APAF1: variants seen among roughly 807,000 people sequenced by gnomAD.
APAF1 encodes the protein apoptotic protease-activating factor 1.
A neutral mutation model predicts 152.4 loss-of-function variants in APAF1; 91 were observed. The ratio of observed to expected loss-of-function variants is 0.60; its 90% CI spans 0.50 to 0.71. The LOEUF (loss-of-function observed/expected upper bound fraction) is 0.71. APAF1 is among the 30% of genes least tolerant of loss of function. The pLI is 0.00. For synonymous variants in APAF1, 484 were observed against 494.1 expected (o/e 0.98, Z 0.27); for missense variants, 1,283 against 1,472.0 (o/e 0.87, Z 2.10).
chr12:98,722,301 TCTTCTATTGTAGGA>T (rs2097744167), intron 22 of APAF1, among the ~76,000 whole-genome samples: 1 of 152,224 alleles, frequency 6.6e-6, no homozygotes, highest in African/African-American at 2.4e-5. Flanking sequence ...TATCATTGTA[TCTTCTATTGTAGGA>T]CTTTTTGGGT....
intron 15 of APAF1, among the ~76,000 whole-genome samples, chr12:98,685,862 C>A (rs112771036): frequency 6.6e-6 from 1 of 151,596 alleles, no homozygotes; most frequent in Admixed American, 6.6e-5. Context: ...GTCTTGAACT[C>A]CTGACCTCAG....
chr12:98,658,680 C>G (rs1170683961), intron 4 of APAF1, among the ~76,000 whole-genome samples: 6 of 152,136 alleles, frequency 3.9e-5, no homozygotes, highest in Admixed American at 2.6e-4. Context: ...CACACCCCCC[C>G]AGGTGACATT....
chr12:98,654,044 TTC>T (rs1172491864), intron 4 of APAF1, among the ~76,000 whole-genome samples: 3 of 152,056 alleles, frequency 2.0e-5, no homozygotes, highest in African/African-American at 4.8e-5. Context: ...CTGAATTAGT[TTC>T]TCTGAGTGAA....
chr12:98,684,834 G>T lies in APAF1; in HGVS notation c.2178+1560G>T, dbSNP rs368539451. 1.8e-4 allele frequency among the ~76,000 whole-genome samples: 27 copies of T among 152,252 alleles called. 1 individual carries two copies. The East Asian group carries it at 4.8e-3, about 27-fold the overall frequency. ...GAAATAAATACAGGAAAAAACCTCT[G>T]CCATGTGGGAGGGGGTTATTGGTTA... On this transcript the variant is annotated intron_variant, in intron 15 of 26. Coordinates refer to ENST00000551964, the MANE Select transcript of APAF1 (RefSeq NM_181861.2).
intron 12 of APAF1, 84 bp downstream of exon 12, chr12:98,671,803 GAGGATTTAACTACTTTCGAA>G (rs2097680523): frequency 5.1e-6 from 7 of 1,368,184 alleles, no homozygotes; most frequent in Non-Finnish European, 7.3e-6. Flanking sequence ...ATCACTCCAG[GAGGATTTAACTACTTTCGAA>G]AGGGCTGGAA....
chr12:98,689,550 G>T (rs1243415674), intron 16 of APAF1, among the ~76,000 whole-genome samples: 1 of 151,616 alleles, frequency 6.6e-6, no homozygotes, highest in African/African-American at 2.4e-5. Flanking sequence ...CAGTGGTCTG[G>T]GCTAACTAAA....
chr12:98,703,934 G>A (rs1439643627), intron 18 of APAF1, among the ~76,000 whole-genome samples: 3 of 152,142 alleles, frequency 2.0e-5, no homozygotes, highest in Non-Finnish European at 4.4e-5. Context: ...AAGATAGGAT[G>A]TTCATTGCCA....
At chr12:98,667,478 GTT>G in intron 9 of APAF1, 33 bp from the exon 10 acceptor site, 1 of 1,609,390 alleles carries the variant, frequency 6.2e-7, no homozygotes, top group Non-Finnish European at 8.5e-7. Context: ...TTATAAAATT[GTT>G]TCTGGCTTCT....
At chr12:98,671,204 C>G in intron 11 of APAF1, 118 bp downstream of exon 11, 1 of 736,480 alleles carries the variant, frequency 1.4e-6, no homozygotes, top group Non-Finnish European at 2.3e-6. Context: ...AATTTCCCTC[C>G]TTTGATTTTT....
At chr12:98,659,136 G>C (rs762928753) in intron 4 of APAF1, 24 bp from the exon 5 acceptor site, 1 of 1,613,044 alleles carries the variant, frequency 6.2e-7, no homozygotes, top group African/African-American at 1.3e-5. Context: ...AAGGCCTTAA[G>C]TTCATTATTC....
chr12:98,694,928 G>T (rs1340219251), intron 16 of APAF1, among the ~76,000 whole-genome samples: 1 of 150,676 alleles, frequency 6.6e-6, no homozygotes, highest in Non-Finnish European at 1.5e-5. Context: ...AGGCTGGAGT[G>T]CTGTGGCACC....
intron 16 of APAF1, among the ~76,000 whole-genome samples, chr12:98,698,354 G>A (rs2097711887): frequency 6.6e-6 from 1 of 152,140 alleles, no homozygotes; most frequent in African/African-American, 2.4e-5. Context: ...TACCCAGCCT[G>A]ATTTTCATAT....
intron 4 of APAF1, among the ~76,000 whole-genome samples, chr12:98,652,295 C>T (rs1202119289): frequency 6.6e-6 from 1 of 152,152 alleles, no homozygotes; most frequent in Non-Finnish European, 1.5e-5. Context: ...AAATTTGATT[C>T]CCCTCCAGTC....
At chr12:98,721,788 A>G (rs1447373194) in intron 22 of APAF1, among the ~76,000 whole-genome samples, 1 of 152,174 alleles carries the variant, frequency 6.6e-6, no homozygotes, top group East Asian at 1.9e-4. Context: ...CGACTGCTAA[A>G]TGTGGTGGAA....
chr12:98,731,531 A>G (rs1208148216), intron 26 of APAF1, among the ~76,000 whole-genome samples: 1 of 152,230 alleles, frequency 6.6e-6, no homozygotes, highest in African/African-American at 2.4e-5. Context: ...GAGGTTTACC[A>G]AAGTCCATTG....
intron 21 of APAF1, among the ~76,000 whole-genome samples, chr12:98,713,223 C>T (rs1167923676): frequency 3.3e-5 from 5 of 152,138 alleles, no homozygotes; most frequent in Non-Finnish European, 5.9e-5. Flanking sequence ...TTCAGATTTC[C>T]TTTATTACTG....
chr12:98,719,147 A>G (rs1257570494), intron 22 of APAF1, among the ~76,000 whole-genome samples: 1 of 151,944 alleles, frequency 6.6e-6, no homozygotes, highest in Non-Finnish European at 1.5e-5. Flanking sequence ...TGTACCTCAC[A>G]CTCAGTGTCT....
chr12:98,651,996 G>A (rs2097649604), intron 4 of APAF1, among the ~76,000 whole-genome samples: 1 of 152,082 alleles, frequency 6.6e-6, no homozygotes, highest in Non-Finnish European at 1.5e-5. Context: ...TGTATTTTTT[G>A]TAGAGTTGGG....
At chr12:98,705,814 T>C (rs1483838959) in intron 18 of APAF1, among the ~76,000 whole-genome samples, 2 of 152,240 alleles carry the variant, frequency 1.3e-5, no homozygotes, top group Non-Finnish European at 1.5e-5. Context: ...ATAATCTGAA[T>C]ATGGAAGCTG....
Sources: allele counts gnomAD v4.1 joint callset (sites outside exome capture counted in the v4.1 genomes callset), GRCh38; gene constraint gnomAD v4.1.1; transcripts MANE v1.5; gene names NCBI Gene and HGNC (gene_info 2026-07-23, HGNC 2026-07-21).